The following PIK3C3 variants were observed in gnomAD, a reference collection of about 807,000 sequenced individuals.
The protein encoded by PIK3C3 is phosphatidylinositol 3-kinase catalytic subunit type 3.
A neutral mutation model predicts 126.1 loss-of-function variants in PIK3C3; 95 were observed. That is an observed-to-expected ratio of 0.75 (90% CI 0.64 to 0.89). PIK3C3 has a LOEUF of 0.89. PIK3C3 is among the 40% of genes least tolerant of loss of function. The pLI is 0.00. For synonymous variants in PIK3C3, 374 were observed against 360.0 expected (o/e 1.04, Z -0.44); for missense variants, 829 against 1,063.2 (o/e 0.78, Z 3.06).
intron 6 of PIK3C3, among the ~76,000 whole-genome samples, chr18:41,991,512 A>G (rs889853049): frequency 6.6e-6 from 1 of 152,224 alleles, no homozygotes; most frequent in Non-Finnish European, 1.5e-5. Flanking sequence ...TTCTTCTAGC[A>G]TATGACCAAG....
chr18:41,988,610 T>A (rs943948139), intron 5 of PIK3C3, among the ~76,000 whole-genome samples: 5 of 152,184 alleles, frequency 3.3e-5, no homozygotes, highest in Admixed American at 3.3e-4. Context: ...ACTTACTTAA[T>A]TTATATTCTC....
chr18:42,046,180 C>T (rs982176381), intron 20 of PIK3C3, among the ~76,000 whole-genome samples: 4 of 152,284 alleles, frequency 2.6e-5, no homozygotes, highest in Middle Eastern at 3.4e-3. Context: ...CACATGTATT[C>T]ATTCCTCTGT....
rs115540103 is a variant in PIK3C3, at chr18:42,032,361, A to G, written c.1708-1465A>G. Among the ~76,000 whole-genome samples the G allele has an allele frequency of 3.8e-3, 575 of 152,340 alleles. 9 individuals are homozygous for G. The highest frequency in any genetic ancestry group is 0.013 in the African/African-American group (537 of 41,570). On this transcript the variant is annotated intron_variant, in intron 15 of 24. Transcript: ENST00000262039. Reference sequence around the variant, plus strand: ...ATTATAGTCAATATTATTTTGACTGAAACACTGAGTAAGAGTAGAAGCTAT... The same window carrying G: ...ATTATAGTCAATATTATTTTGACTGGAACACTGAGTAAGAGTAGAAGCTAT...
chr18:42,020,488 T>C, intron 12 of PIK3C3, 150 bp from the exon 13 acceptor site: 1 of 526,804 alleles, frequency 1.9e-6, no homozygotes, highest in South Asian at 3.2e-5. Context: ...ATATGTTTTA[T>C]GTATGTATGT....
intron 4 of PIK3C3, among the ~76,000 whole-genome samples, chr18:41,986,124 A>G (rs188682381): frequency 3.7e-4 from 56 of 152,272 alleles, no homozygotes; most frequent in Non-Finnish European, 6.8e-4. Flanking sequence ...TTAGAATCAT[A>G]TAGTCTGGGG....
chr18:41,989,411 A>C (rs905294052), intron 5 of PIK3C3, among the ~76,000 whole-genome samples: 4 of 152,150 alleles, frequency 2.6e-5, no homozygotes, highest in African/African-American at 9.7e-5. Context: ...GTTTTGGGTC[A>C]AGGCTAATCA....
chr18:41,987,036 G>A (rs1164461836), intron 4 of PIK3C3, among the ~76,000 whole-genome samples: 1 of 152,036 alleles, frequency 6.6e-6, no homozygotes, highest in Non-Finnish European at 1.5e-5. Flanking sequence ...TGAAGCAGAA[G>A]AAACTGATAT....
rs1986397516 is a variant in PIK3C3 at position 42,086,308 on chromosome 18, C to A, written c.*5171C>A. On this transcript the variant is annotated 3_prime_UTR_variant, in exon 25 of 25. Transcript: ENST00000262039. The stretch of plus-strand genomic sequence containing the variant: ...AATCATACCATATGCCCTGGTCTTA[C>A]CCACATACAGCTCGGTACAACTGCA... 6.6e-6 allele frequency: 1 copy of A among 152,232 alleles called. No homozygotes were observed. The highest frequency in any genetic ancestry group is 2.4e-5 in the African/African-American group (1 of 41,426). 9.4% of individuals were successfully genotyped at this position (152,232 alleles called of 1,614,324 possible). A position where few individuals can be genotyped will look rare whatever the true frequency, so the allele number is the denominator to read the frequency against.
intron 6 of PIK3C3, among the ~76,000 whole-genome samples, chr18:41,991,780 C>T (rs1367717898): frequency 1.3e-5 from 2 of 152,084 alleles, no homozygotes; most frequent in Non-Finnish European, 1.5e-5. Context: ...TAACTTGTTT[C>T]TGCCTTTTAT....
intron 24 of PIK3C3, among the ~76,000 whole-genome samples, chr18:42,078,071 G>T (rs1022940050): frequency 4.6e-5 from 7 of 152,110 alleles, no homozygotes; most frequent in African/African-American, 1.7e-4. Flanking sequence ...GGCTTCAACA[G>T]TGGGCTTAAA....
intron 24 of PIK3C3, among the ~76,000 whole-genome samples, chr18:42,076,768 AAAG>A (rs1212622724): frequency 3.9e-5 from 6 of 152,222 alleles, no homozygotes; most frequent in Non-Finnish European, 5.9e-5. Context: ...TATCTTCTCC[AAAG>A]AAGATTTTTA....
At chr18:42,055,106 T>C (rs1332287197) in intron 21 of PIK3C3, among the ~76,000 whole-genome samples, 1 of 152,030 alleles carries the variant, frequency 6.6e-6, no homozygotes, top group Non-Finnish European at 1.5e-5. Context: ...AAATGGGAAG[T>C]GTTTGGGTCA....
rs1986235205 is a variant in PIK3C3 at position 42,081,167 on chromosome 18, C to T, written c.*30C>T. On this transcript the variant is annotated 3_prime_UTR_variant, in exon 25 of 25. Coordinates refer to ENST00000262039, the MANE Select transcript of PIK3C3 (RefSeq NM_002647.4). Reference sequence around the variant, plus strand: ...GGGATTGACCCATCAAGATGCTTGGCTCAATAAGAAAACCACGTTAGGAGC... The same window carrying T: ...GGGATTGACCCATCAAGATGCTTGGTTCAATAAGAAAACCACGTTAGGAGC... The T allele has an allele frequency of 6.4e-7, 1 of 1,551,528 alleles. No individual in the cohort carries two copies. The highest frequency in any genetic ancestry group is 8.8e-7 in the Non-Finnish European group (1 of 1,131,834).
chr18:41,966,568 A>G (rs1980382137), intron 3 of PIK3C3, among the ~76,000 whole-genome samples: 1 of 152,184 alleles, frequency 6.6e-6, no homozygotes, highest in African/African-American at 2.4e-5. Context: ...TATACATGGA[A>G]AACAAGTATT....
At chr18:41,996,154 A>G (rs192753363) in intron 8 of PIK3C3, among the ~76,000 whole-genome samples, 160 bp downstream of exon 8, 32 of 152,272 alleles carry the variant, frequency 2.1e-4, no homozygotes, top group African/African-American at 7.2e-4. Flanking sequence ...CAGTTCTGTT[A>G]TCATTTGGGG....
intron 7 of PIK3C3, 32 bp downstream of exon 7, chr18:41,993,373 A>C: frequency 7.1e-7 from 1 of 1,410,934 alleles, no homozygotes; most frequent in Non-Finnish European, 1.0e-6. Flanking sequence ...TTATGAAAGT[A>C]CTTTTCTTCA....
intron 24 of PIK3C3, among the ~76,000 whole-genome samples, chr18:42,069,929 T>A (rs187437512): frequency 6.4e-4 from 98 of 152,314 alleles, no homozygotes; most frequent in African/African-American, 2.3e-3. Flanking sequence ...GATGCTTCAG[T>A]CAGGAATTTA....
intron 3 of PIK3C3, among the ~76,000 whole-genome samples, chr18:41,963,836 T>C (rs1980220363): frequency 6.6e-6 from 1 of 151,922 alleles, no homozygotes. Flanking sequence ...CTTTTTTTTT[T>C]TTTTGAGTTG....
chr18:42,029,965 A>G (rs554244512), intron 15 of PIK3C3, among the ~76,000 whole-genome samples: 18 of 152,268 alleles, frequency 1.2e-4, no homozygotes, highest in Admixed American at 5.2e-4. Context: ...TATTATCCCA[A>G]TTGTGAGGAG....
Sources: allele counts gnomAD v4.1 joint callset (sites outside exome capture counted in the v4.1 genomes callset), GRCh38; gene constraint gnomAD v4.1.1; transcripts MANE v1.5; gene names NCBI Gene and HGNC (gene_info 2026-07-23, HGNC 2026-07-21).